Variants in NCOA1 observed in about 807,000 individuals in gnomAD.
The protein encoded by NCOA1 is nuclear receptor coactivator 1.
Under a neutral mutation model 150.9 loss-of-function variants are expected in NCOA1, and 35 were observed. The ratio of observed to expected loss-of-function variants is 0.23; its 90% CI spans 0.18 to 0.31. NCOA1 has a LOEUF of 0.31. Ranked by LOEUF, NCOA1 falls within the 10% of genes least tolerant of loss-of-function variation. The probability of loss-of-function intolerance (pLI) is 1.00; values close to 1 mark genes in which losing one functional copy is unlikely to be tolerated. For synonymous variants in NCOA1, 590 were observed against 630.0 expected (o/e 0.94, Z 0.95); for missense variants, 1,491 against 1,749.3 (o/e 0.85, Z 2.63).
At chr2:24,578,188 G>T (rs187072206) in intron 2 of NCOA1, among the ~76,000 whole-genome samples, 5 of 152,234 alleles carry the variant, frequency 3.3e-5, no homozygotes, top group Non-Finnish European at 4.4e-5. Context: ...TAGTAATTTA[G>T]TGTACAGTGA....
At chr2:24,516,232 G>A (rs1185521871) in intron 1 of NCOA1, among the ~76,000 whole-genome samples, 1 of 122,018 alleles carries the variant, frequency 8.2e-6, no homozygotes, top group Non-Finnish European at 1.6e-5. Context: ...TCGCTCTGTC[G>A]CCCAGGCTGG....
intron 3 of NCOA1, among the ~76,000 whole-genome samples, chr2:24,621,716 G>T (rs1018749618): frequency 6.6e-6 from 1 of 152,086 alleles, no homozygotes; most frequent in Non-Finnish European, 1.5e-5. Context: ...CAGACCTCGG[G>T]TGATCCATCC....
intron 7 of NCOA1, among the ~76,000 whole-genome samples, chr2:24,681,479 A>T (rs941970635): frequency 7.2e-5 from 11 of 152,206 alleles, no homozygotes; most frequent in Admixed American, 5.2e-4. Context: ...GTATCACGTC[A>T]TTTTCAGTGT....
At chr2:24,606,233 T>C (rs2148370232) in intron 3 of NCOA1, among the ~76,000 whole-genome samples, 1 of 151,838 alleles carries the variant, frequency 6.6e-6, no homozygotes, top group East Asian at 1.9e-4. Flanking sequence ...TTTTTATCAT[T>C]ATTGTTATTA....
At chr2:24,703,160 C>G (rs964959089) in intron 11 of NCOA1, among the ~76,000 whole-genome samples, 1 of 152,136 alleles carries the variant, frequency 6.6e-6, no homozygotes, top group Middle Eastern at 3.2e-3. Context: ...AATGAGTTGA[C>G]TGAGATGGGT....
intron 19 of NCOA1, among the ~76,000 whole-genome samples, chr2:24,750,060 C>A (rs534645868): frequency 5.3e-5 from 8 of 150,906 alleles, no homozygotes; most frequent in Non-Finnish European, 5.9e-5. Flanking sequence ...CAAAAAAAAC[C>A]CTAGATGAGA....
At chr2:24,608,696 G>A (rs1214268735) in intron 3 of NCOA1, among the ~76,000 whole-genome samples, 1 of 113,326 alleles carries the variant, frequency 8.8e-6, no homozygotes, top group Non-Finnish European at 1.8e-5. Context: ...TTTTCTTGTT[G>A]TTGTTGTGTT....
intron 3 of NCOA1, among the ~76,000 whole-genome samples, chr2:24,601,305 T>C (rs146594553): frequency 2.6e-4 from 40 of 152,188 alleles, no homozygotes; most frequent in Non-Finnish European, 4.7e-4. Flanking sequence ...TTCCAACTCC[T>C]GGGCTCAAGC....
chr2:24,615,633 C>T (rs1231527815), intron 3 of NCOA1, among the ~76,000 whole-genome samples: 3 of 152,140 alleles, frequency 2.0e-5, no homozygotes, highest in African/African-American at 7.2e-5. Flanking sequence ...CAAGCATTGT[C>T]CTAGGCTCTG....
intron 21 of NCOA1, among the ~76,000 whole-genome samples, chr2:24,761,536 T>G (rs770098846): frequency 1.3e-5 from 2 of 152,216 alleles, no homozygotes; most frequent in African/African-American, 2.4e-5. Flanking sequence ...AAATGGAATA[T>G]GGTTATTATA....
intron 2 of NCOA1, among the ~76,000 whole-genome samples, chr2:24,583,259 T>G (rs1216570356): frequency 1.3e-5 from 2 of 152,156 alleles, no homozygotes; most frequent in Non-Finnish European, 2.9e-5. Flanking sequence ...TGACTAGACA[T>G]TTCTCAAAAG....
intron 10 of NCOA1, among the ~76,000 whole-genome samples, chr2:24,696,866 A>G (rs1210311472): frequency 6.6e-6 from 1 of 151,744 alleles, no homozygotes; most frequent in Non-Finnish European, 1.5e-5. Context: ...TTATCTCATT[A>G]ATTCTTAATT....
At chr2:24,735,016 A>G (rs963180058) in intron 17 of NCOA1, among the ~76,000 whole-genome samples, 1 of 152,244 alleles carries the variant, frequency 6.6e-6, no homozygotes, top group Non-Finnish European at 1.5e-5. Context: ...TTGGCTGTTC[A>G]TGAGGAGGAA....
intron 10 of NCOA1, among the ~76,000 whole-genome samples, chr2:24,694,180 A>C (rs552523677): frequency 1.2e-4 from 18 of 152,330 alleles, no homozygotes; most frequent in Admixed American, 3.3e-4. Flanking sequence ...TTAAAGGCCT[A>C]CTTCAGATTT....
At chr2:24,550,342 G>T (rs1242937491) in intron 1 of NCOA1, among the ~76,000 whole-genome samples, 1 of 152,150 alleles carries the variant, frequency 6.6e-6, no homozygotes, top group Non-Finnish European at 1.5e-5. Context: ...CCAAGACAGG[G>T]CAATTTACAA....
chr2:24,765,895 A>ATTTTTTTTTT (rs1665035659), intron 22 of NCOA1, among the ~76,000 whole-genome samples: 1 of 129,308 alleles, frequency 7.7e-6, no homozygotes, highest in East Asian at 2.3e-4. Context: ...TCAATAATAC[A>ATTTTTTTTTT]CTTTTTTTTT....
At chr2:24,763,489 G>A (rs1463963112) in intron 22 of NCOA1, among the ~76,000 whole-genome samples, 13 of 141,142 alleles carry the variant, frequency 9.2e-5, no homozygotes, top group Admixed American at 7.9e-4. Flanking sequence ...GCAGTGAGCC[G>A]AGATCACGCC....
In NCOA1 at chr2:24,707,703, G is replaced by A; in HGVS notation, c.2233G>A (p.Asp745Asn). The A allele has an allele frequency of 6.2e-7, 1 of 1,614,096 alleles. No individual in the cohort carries two copies. Among genetic ancestry groups the A allele is most frequent in the Non-Finnish European group, 8.5e-7 (1 of 1,179,984 alleles). Residue 745 changes from aspartate (D) to asparagine (N), a missense_variant, in exon 13 of 23, where the codon GAC becomes AAC. This residue lies in a region of NCOA1 where 703 missense variants were observed against 717.7 expected (regional missense o/e 0.98). Coordinates refer to ENST00000348332, the MANE Select transcript of NCOA1 (RefSeq NM_003743.5). Reference sequence around the variant, plus strand: ...TGCTTCAAAGAAAAAAGAATCAAAAGACCATCAGCTCCTACGCTATCTTTT... The same window carrying A: ...TGCTTCAAAGAAAAAAGAATCAAAAAACCATCAGCTCCTACGCTATCTTTT... ...LDASKKKESK[D>N]HQLLRYLLDK...
chr2:24,534,695 T>C (rs9752152), intron 1 of NCOA1, among the ~76,000 whole-genome samples: 66,989 of 152,064 alleles, frequency 0.44, 16,490 homozygotes, highest in Admixed American at 0.61. Context: ...TCTGCCTTCA[T>C]TTCGTTATTT....
Sources: allele counts gnomAD v4.1 joint callset (sites outside exome capture counted in the v4.1 genomes callset), GRCh38; gene constraint gnomAD v4.1.1; regional missense constraint gnomAD v4.1.1; transcripts MANE v1.5; gene names NCBI Gene and HGNC (gene_info 2026-07-23, HGNC 2026-07-21).